The following DYNC1LI1 variants were observed in gnomAD, a reference collection of about 807,000 sequenced individuals.
DYNC1LI1 encodes the protein cytoplasmic dynein 1 light intermediate chain 1.
A neutral mutation model predicts 63.8 loss-of-function variants in DYNC1LI1; 19 were observed. The observed-to-expected ratio is 0.30, with a 90% confidence interval of 0.21 to 0.44. DYNC1LI1 has a LOEUF of 0.44. Ranked by LOEUF, DYNC1LI1 falls within the 20% of genes least tolerant of loss-of-function variation. The pLI, the probability that DYNC1LI1 is intolerant of heterozygous loss-of-function variation, is 1.00. For missense variants in DYNC1LI1, 565 were observed against 630.2 expected, an observed-to-expected ratio of 0.90 and a Z score of 1.11; for synonymous variants, 225 against 232.3, an observed-to-expected ratio of 0.97 and a Z score of 0.28.
chr3:32,551,579 T>C (rs1223421427), intron 2 of DYNC1LI1, among the ~76,000 whole-genome samples: 2 of 151,706 alleles, frequency 1.3e-5, no homozygotes, highest in East Asian at 3.9e-4. Context: ...CTGACAAGAG[T>C]AAGTTTAGGA....
At chr3:32,563,662 T>C (rs1207945500) in intron 2 of DYNC1LI1, among the ~76,000 whole-genome samples, 1 of 152,168 alleles carries the variant, frequency 6.6e-6, no homozygotes, top group Non-Finnish European at 1.5e-5. Flanking sequence ...AAGACTCCTT[T>C]CTGTTTTATA....
chr3:32,553,933 G>A (rs1042864628), intron 2 of DYNC1LI1, among the ~76,000 whole-genome samples: 1 of 152,218 alleles, frequency 6.6e-6, no homozygotes, highest in Non-Finnish European at 1.5e-5. Flanking sequence ...GGGAGCCATG[G>A]TGGCTCAGGG....
intron 4 of DYNC1LI1, among the ~76,000 whole-genome samples, chr3:32,542,602 TTCA>T (rs2125436603): frequency 6.6e-6 from 1 of 152,142 alleles, no homozygotes; most frequent in East Asian, 1.9e-4. Flanking sequence ...AAGACGGGGT[TTCA>T]TCATATCGGC....
At chr3:32,540,594 T>C (rs1575151963) in intron 5 of DYNC1LI1, among the ~76,000 whole-genome samples, 1 of 151,594 alleles carries the variant, frequency 6.6e-6, no homozygotes, top group East Asian at 1.9e-4. Flanking sequence ...GGCAGGAGAA[T>C]TGCTTTAACC....
chr3:32,544,501 G>A (rs1030351075), intron 4 of DYNC1LI1, among the ~76,000 whole-genome samples: 2 of 152,184 alleles, frequency 1.3e-5, no homozygotes, highest in African/African-American at 4.8e-5. Flanking sequence ...CTGGGCCGGT[G>A]GCTCACGCCT....
chr3:32,559,718 A>G (rs889114292), intron 2 of DYNC1LI1, among the ~76,000 whole-genome samples: 1 of 152,202 alleles, frequency 6.6e-6, no homozygotes, highest in Non-Finnish European at 1.5e-5. Flanking sequence ...CATCAGGAAC[A>G]TCAGGAGACA....
intron 2 of DYNC1LI1, 50 bp downstream of exon 2, chr3:32,570,296 C>T: frequency 1.4e-6 from 2 of 1,470,672 alleles, no homozygotes; most frequent in African/African-American, 1.4e-5. Context: ...GACCAGGTAC[C>T]CCGGGCCGCT....
At position 32,536,960 on chromosome 3, in the gene DYNC1LI1, T is replaced by G. The variant is rs755812267; in HGVS notation, c.832+51A>C. 34 of 1,086,316 alleles carry G rather than the reference T, an allele frequency of 3.1e-5. No individual in the cohort carries two copies. The East Asian group carries it at 7.5e-4, about 24-fold the overall frequency. 67.3% of individuals were successfully genotyped at this position (1,086,316 alleles called of 1,614,324 possible). A position where few individuals can be genotyped will look rare whatever the true frequency, so the allele number is the denominator to read the frequency against. On this transcript the variant is annotated intron_variant, in intron 6 of 12. Transcript: ENST00000273130. Reference sequence around the variant, plus strand: ...TTTAATTCTTTTAACTTTAAAAAACTAAAACAGGTAAAGTGATACACTGAA... The same window carrying G: ...TTTAATTCTTTTAACTTTAAAAAACGAAAACAGGTAAAGTGATACACTGAA...
intron 5 of DYNC1LI1, among the ~76,000 whole-genome samples, chr3:32,540,343 T>C (rs988818502): frequency 1.3e-4 from 20 of 152,256 alleles, no homozygotes; most frequent in Middle Eastern, 3.4e-3. Context: ...TTTAAAAGTC[T>C]ACTTTAAGTA....
chr3:32,542,954 C>G (rs771497589), intron 4 of DYNC1LI1, among the ~76,000 whole-genome samples: 1 of 152,216 alleles, frequency 6.6e-6, no homozygotes, highest in South Asian at 2.1e-4. Context: ...CTCTTAAGAT[C>G]AGAGGCTGTA....
At chr3:32,570,236 C>A (rs1559447171) in intron 2 of DYNC1LI1, 110 bp downstream of exon 2, 1 of 894,652 alleles carries the variant, frequency 1.1e-6, no homozygotes, top group South Asian at 1.4e-5. Context: ...CGAGGCGGGG[C>A]GGGGCTGGGC....
At chr3:32,543,511 G>T (rs1281685054) in intron 4 of DYNC1LI1, among the ~76,000 whole-genome samples, 1 of 147,004 alleles carries the variant, frequency 6.8e-6, no homozygotes, top group Non-Finnish European at 1.5e-5. Flanking sequence ...GCAATTCCCT[G>T]CCTCAGCCTC....
chr3:32,569,819 A>T (rs546745835), intron 2 of DYNC1LI1, among the ~76,000 whole-genome samples: 1 of 152,290 alleles, frequency 6.6e-6, no homozygotes, highest in African/African-American at 2.4e-5. Flanking sequence ...CAAATTTCAG[A>T]ATTATATGTG....
chr3:32,555,196 T>C (rs552999016), intron 2 of DYNC1LI1, among the ~76,000 whole-genome samples: 15 of 152,204 alleles, frequency 9.9e-5, no homozygotes, highest in Non-Finnish European at 2.1e-4. Flanking sequence ...AACATTCATA[T>C]TTTATAAACA....
At chr3:32,567,251 C>T (rs1164702453) in intron 2 of DYNC1LI1, among the ~76,000 whole-genome samples, 1 of 152,168 alleles carries the variant, frequency 6.6e-6, no homozygotes, top group East Asian at 1.9e-4. Context: ...CAATTCATTA[C>T]CCCATCTATA....
At chr3:32,546,937 A>T (rs1035012250) in intron 2 of DYNC1LI1, among the ~76,000 whole-genome samples, 22 of 152,288 alleles carry the variant, frequency 1.4e-4, no homozygotes, top group African/African-American at 4.8e-4. Context: ...AGTATTTTTT[A>T]AAAAGGTTTA....
At chr3:32,563,396 T>G (rs1161571274) in intron 2 of DYNC1LI1, among the ~76,000 whole-genome samples, 1 of 150,740 alleles carries the variant, frequency 6.6e-6, no homozygotes, top group African/African-American at 2.4e-5. Context: ...GTTCAAGCAA[T>G]TCTCCCTGCC....
intron 1 of DYNC1LI1, 23 bp downstream of exon 1, chr3:32,570,602 T>A: frequency 1.3e-6 from 2 of 1,552,270 alleles, no homozygotes; most frequent in Non-Finnish European, 1.7e-6. Flanking sequence ...CAGCGGGGGC[T>A]GAGGGAGAGG....
At chr3:32,560,449 A>T (rs1480817469) in intron 2 of DYNC1LI1, among the ~76,000 whole-genome samples, 1 of 152,024 alleles carries the variant, frequency 6.6e-6, no homozygotes, top group African/African-American at 2.4e-5. Flanking sequence ...TAAATAAATA[A>T]AATGAATTCC....
Sources: gnomAD v4.1 joint callset for allele counts (sites outside exome capture counted in the v4.1 genomes callset) on GRCh38, gnomAD v4.1.1 for gene constraint, MANE v1.5 for transcripts, NCBI Gene and HGNC (gene_info 2026-07-23, HGNC 2026-07-21) for gene names.